Variants in DNAH14 observed in about 807,000 individuals in gnomAD.
The protein encoded by DNAH14 is axonemal beta dynein heavy chain 14.
A neutral mutation model predicts 520.9 loss-of-function variants in DNAH14; 478 were observed. The observed-to-expected ratio is 0.92, with a 90% CI of 0.85 to 0.99. DNAH14 has a LOEUF of 0.99. Ranked by LOEUF, DNAH14 falls within the 50% of genes least tolerant of loss-of-function variation. DNAH14 has a pLI of 0.00. For synonymous variants in DNAH14, 1,581 were observed against 1,757.2 expected (o/e 0.90, Z 2.51); for missense variants, 4,831 against 5,234.5 (o/e 0.92, Z 2.38).
At chr1:225,336,414 C>A (rs576706857) in intron 66 of DNAH14, among the ~76,000 whole-genome samples, 4 of 152,014 alleles carry the variant, frequency 2.6e-5, no homozygotes, top group East Asian at 1.9e-4. Flanking sequence ...ATTCTCCAAG[C>A]AACTGTTAAC....
intron 11 of DNAH14, 140 bp downstream of exon 11, chr1:225,024,005 A>G (rs943524205): frequency 1.4e-6 from 2 of 1,392,078 alleles, no homozygotes; most frequent in African/African-American, 2.9e-5. Context: ...CATTTTTGCT[A>G]TTAACAGAAC....
chr1:224,936,111 A>C (rs2059016327), intron 1 of DNAH14, among the ~76,000 whole-genome samples: 2 of 151,882 alleles, frequency 1.3e-5, no homozygotes, highest in African/African-American at 4.8e-5. Flanking sequence ...ACATGAAAAA[A>C]AGTAGGAAGA....
At chr1:225,063,769 A>T (rs2070488112) in intron 17 of DNAH14, among the ~76,000 whole-genome samples, 3 of 152,054 alleles carry the variant, frequency 2.0e-5, no homozygotes, top group Admixed American at 6.6e-5. Flanking sequence ...TGAAAAGTAT[A>T]AACCAATAGA....
chr1:225,095,661 G>A (rs2148689606), intron 21 of DNAH14, among the ~76,000 whole-genome samples: 1 of 152,176 alleles, frequency 6.6e-6, no homozygotes, highest in South Asian at 2.1e-4. Flanking sequence ...ACAGAAAAAG[G>A]GAATGAACTA....
chr1:225,071,484 C>A (rs564904691), intron 17 of DNAH14, among the ~76,000 whole-genome samples: 1 of 152,126 alleles, frequency 6.6e-6, no homozygotes, highest in Admixed American at 6.5e-5. Flanking sequence ...AACTTTTTTT[C>A]TTCAAGTATG....
At chr1:225,347,217 G>A (rs949126994) in intron 71 of DNAH14, among the ~76,000 whole-genome samples, 1 of 152,116 alleles carries the variant, frequency 6.6e-6, no homozygotes, top group Non-Finnish European at 1.5e-5. Flanking sequence ...GGCAGACTAG[G>A]ATGCTATAGG....
chr1:225,192,979 CTG>C, intron 38 of DNAH14, 68 bp downstream of exon 38: 1 of 1,224,432 alleles, frequency 8.2e-7, no homozygotes, highest in Non-Finnish European at 1.1e-6. Flanking sequence ...TATCCAAAGA[CTG>C]ATATTAAAAC....
At chr1:225,138,634 T>C (rs2079164561) in intron 27 of DNAH14, among the ~76,000 whole-genome samples, 1 of 152,182 alleles carries the variant, frequency 6.6e-6, no homozygotes, top group African/African-American at 2.4e-5. Flanking sequence ...CCTGGTGGCA[T>C]GGGCTTACAA....
chr1:225,315,671 G>T (rs957190539), intron 60 of DNAH14, among the ~76,000 whole-genome samples: 3 of 152,150 alleles, frequency 2.0e-5, no homozygotes, highest in Non-Finnish European at 4.4e-5. Context: ...CTTTCTGTTT[G>T]TTAGTTTTAC....
Position 225,147,217 on chromosome 1 carries a change from A to G in DNAH14, c.4908A>G (p.Thr1636=), listed in dbSNP as rs374704151. The change falls in exon 31 of 86, where the codon ACA becomes ACG. Residue 1636 remains threonine, a synonymous_variant. Transcript: ENST00000682510. ...CTGTCATTGCCTCACAGATCCTAAC[A>G]ATTAAGGCTGCAAAAGACAACTATT... ...VLSVIASQIL[T]IKAAKDNYSA... 5.9e-6 allele frequency: 9 copies of G among 1,536,796 alleles called. No homozygotes were observed. The African/African-American group carries it at 1.1e-4, about 19-fold the overall frequency.
chr1:225,306,320 A>G (rs2094240471), intron 58 of DNAH14, among the ~76,000 whole-genome samples: 1 of 152,216 alleles, frequency 6.6e-6, no homozygotes, highest in South Asian at 2.1e-4. Flanking sequence ...AGAGAATCAT[A>G]TCAGTGCTCA....
Position 225,088,730 on chromosome 1 carries a change from A to G in DNAH14, c.3573+2941A>G, listed in dbSNP as rs150900174. Among the ~76,000 whole-genome samples the G allele has an allele frequency of 1.5e-3, 226 of 152,340 alleles. 3 individuals carry two copies. In the Middle Eastern group the frequency reaches 0.024, roughly 16 times the overall value. ...TTCTCAAAACCAGTGGGGAAAATAG[A>G]CAAATGACCAATACTAGGAATAGAA... On this transcript the variant is annotated intron_variant, in intron 21 of 85. Coordinates refer to ENST00000682510, the MANE Select transcript of DNAH14 (RefSeq NM_001367479.1).
chr1:225,011,758 CT>C (rs200216236), intron 10 of DNAH14, among the ~76,000 whole-genome samples: 5 of 82,134 alleles, frequency 6.1e-5, no homozygotes, highest in East Asian at 3.7e-4. Flanking sequence ...GCAACCTCTG[CT>C]TTTTTTTTTT....
intron 36 of DNAH14, among the ~76,000 whole-genome samples, chr1:225,169,718 A>C (rs2082403053): frequency 2.0e-5 from 3 of 152,214 alleles, no homozygotes; most frequent in Non-Finnish European, 4.4e-5. Context: ...TTCCAGGAGA[A>C]CTTCCCCAAC....
At position 225,147,127 on chromosome 1, in the gene DNAH14, A is replaced by T. The variant is rs754819008; in HGVS notation, c.4818A>T (p.Gly1606=). 4 of 1,534,950 alleles carry T rather than the reference A, an allele frequency of 2.6e-6. No homozygotes were observed. In the Admixed American group the frequency reaches 6.3e-5, roughly 24 times the overall value. ...AGATAGTGAGAAAATTTTTCTTTGG[A>T]CTAGTTCAGTCAGGAGCATGGAGTT... The part of the protein sequence containing the change: ...DYKIVRKFFF[G]LVQSGAWSCF... The change falls in exon 31 of 86, where the codon GGA becomes GGT. Residue 1606 remains glycine, a synonymous_variant. Transcript: ENST00000682510.
chr1:225,127,461 A>G (rs556128866), intron 27 of DNAH14, among the ~76,000 whole-genome samples: 2 of 152,228 alleles, frequency 1.3e-5, no homozygotes, highest in Admixed American at 1.3e-4. Context: ...ACCATTATGT[A>G]ATGGCCTTCT....
intron 11 of DNAH14, among the ~76,000 whole-genome samples, chr1:225,026,469 T>C (rs1373686596): frequency 6.6e-6 from 1 of 152,136 alleles, no homozygotes; most frequent in Non-Finnish European, 1.5e-5. Context: ...TTCTTTTGTA[T>C]ACGAATATCC....
chr1:225,398,578 G>C lies in DNAH14; in HGVS notation c.13550G>C (p.Arg4517Thr). 6.4e-7 allele frequency: 1 copy of C among 1,551,770 alleles called. No homozygotes were observed. Among genetic ancestry groups the C allele is most frequent in the Non-Finnish European group, 8.7e-7 (1 of 1,147,000 alleles). The stretch of plus-strand genomic sequence containing the variant: ...TTTGGTTTATTCATCGAGGGGGCAA[G>C]ATGGAATCGTGAACAGAAAATACTG... ...YIFGLFIEGA[R>T]WNREQKILED... is the part of the protein sequence containing the mutation. Residue 4517 changes from arginine (R) to threonine (T), a missense_variant, in exon 85 of 86, where the codon AGA (arginine) becomes ACA (threonine). Coordinates refer to ENST00000682510, the MANE Select transcript of DNAH14 (RefSeq NM_001367479.1).
intron 17 of DNAH14, among the ~76,000 whole-genome samples, chr1:225,069,986 A>T (rs1203023234): frequency 6.6e-6 from 1 of 152,038 alleles, no homozygotes; most frequent in Non-Finnish European, 1.5e-5. Context: ...TTTCTAGCTT[A>T]TGTCTGTAGA....
Sources: gnomAD v4.1 joint callset for allele counts (sites outside exome capture counted in the v4.1 genomes callset) on GRCh38, gnomAD v4.1.1 for gene constraint, MANE v1.5 for transcripts, NCBI Gene and HGNC (gene_info 2026-07-23, HGNC 2026-07-21) for gene names.